Variants in CCDC91 observed in about 807,000 individuals in gnomAD.
CCDC91 encodes coiled-coil domain-containing protein 91.
CCDC91 carries 48 observed loss-of-function variants against 63.2 expected under a neutral mutation model. The observed-to-expected ratio is 0.76, with a 90% CI of 0.60 to 0.97. The LOEUF is 0.97. Ranked by LOEUF, CCDC91 falls within the 50% of genes least tolerant of loss-of-function variation. CCDC91 has a pLI of 0.00. For synonymous variants in CCDC91, 167 were observed against 165.8 expected (o/e 1.01, Z -0.06); for missense variants, 500 against 494.6 (o/e 1.01, Z -0.10).
chr12:28,496,344 C>G (rs900620811), intron 12 of CCDC91, among the ~76,000 whole-genome samples: 7 of 151,618 alleles, frequency 4.6e-5, no homozygotes, highest in African/African-American at 1.7e-4. Flanking sequence ...AGATGCTATA[C>G]AGAGACCTCT....
At chr12:28,250,172 T>C (rs1946025706) in intron 1 of CCDC91, among the ~76,000 whole-genome samples, 1 of 152,148 alleles carries the variant, frequency 6.6e-6, no homozygotes, top group South Asian at 2.1e-4. Flanking sequence ...AGTAAATGTC[T>C]TGTAGTTTTT....
chr12:28,273,618 T>G (rs1438348090), intron 3 of CCDC91, among the ~76,000 whole-genome samples: 4 of 151,278 alleles, frequency 2.6e-5, no homozygotes, highest in Non-Finnish European at 4.4e-5. Context: ...TCATGTGTCT[T>G]TTGGCTGCAT....
At chr12:28,329,865 GT>G in intron 6 of CCDC91, among the ~76,000 whole-genome samples, 1 of 152,216 alleles carries the variant, frequency 6.6e-6, no homozygotes, top group South Asian at 2.1e-4. Context: ...AACATGTGGT[GT>G]TTGATTTTCT....
At chr12:28,200,768 C>A (rs948921867) in intron 1 of CCDC91, among the ~76,000 whole-genome samples, 2 of 151,548 alleles carry the variant, frequency 1.3e-5, no homozygotes, top group East Asian at 3.9e-4. Flanking sequence ...TCATCATGGC[C>A]TGTTCTCAAT....
At chr12:28,229,790 G>GT (rs60699843) in intron 1 of CCDC91, among the ~76,000 whole-genome samples, 1 of 151,828 alleles carries the variant, frequency 6.6e-6, no homozygotes, top group Non-Finnish European at 1.5e-5. Context: ...ACATATTTTG[G>GT]TTTTTTTAGC....
chr12:28,528,392 C>G (rs1316014124), intron 12 of CCDC91, among the ~76,000 whole-genome samples: 1 of 152,186 alleles, frequency 6.6e-6, no homozygotes, highest in Non-Finnish European at 1.5e-5. Context: ...TCATCTAGAG[C>G]TTCAGGTTCC....
rs74236347 is a variant in CCDC91, at chr12:28,418,674, A to G, written c.762+27263A>G. On this transcript the variant is annotated intron_variant, in intron 8 of 12. Transcript: ENST00000536442. Reference sequence around the variant, plus strand: ...TAGATTTCAAAGTTTTTAAGATGTGATATTTCAAAATTAGATTAAACTACT... The same window carrying G: ...TAGATTTCAAAGTTTTTAAGATGTGGTATTTCAAAATTAGATTAAACTACT... Among the ~76,000 whole-genome samples, 25 of 152,290 alleles carry G rather than the reference A, an allele frequency of 1.6e-4. No homozygotes were observed. In the East Asian group the frequency reaches 1.9e-3, roughly 12 times the overall value.
At chr12:28,340,991 G>A (rs1369403822) in intron 6 of CCDC91, among the ~76,000 whole-genome samples, 1 of 152,240 alleles carries the variant, frequency 6.6e-6, no homozygotes, top group East Asian at 1.9e-4. Flanking sequence ...AGATGGAGTG[G>A]GAAGGTTGTT....
chr12:28,502,485 A>G (rs1329214958), intron 12 of CCDC91, among the ~76,000 whole-genome samples: 2 of 151,600 alleles, frequency 1.3e-5, no homozygotes, highest in Non-Finnish European at 3.0e-5. Context: ...AAGAATCAAT[A>G]TCGTGAAAAT....
intron 6 of CCDC91, among the ~76,000 whole-genome samples, chr12:28,320,244 A>T (rs915902536): frequency 9.2e-5 from 14 of 152,044 alleles, no homozygotes; most frequent in African/African-American, 3.4e-4. Flanking sequence ...TAGGTTGTTT[A>T]TAAGTACATT....
chr12:28,369,269 A>G (rs758535505), intron 7 of CCDC91, among the ~76,000 whole-genome samples: 3 of 152,164 alleles, frequency 2.0e-5, no homozygotes, highest in Non-Finnish European at 4.4e-5. Context: ...CTCCCATTCA[A>G]AATGGAAGAA....
chr12:28,193,952 T>A (rs2121238904), intron 1 of CCDC91, among the ~76,000 whole-genome samples: 1 of 152,360 alleles, frequency 6.6e-6, no homozygotes, highest in African/African-American at 2.4e-5. Flanking sequence ...TTCATTATCG[T>A]ATATATGTTC....
intron 1 of CCDC91, among the ~76,000 whole-genome samples, chr12:28,250,778 T>TA (rs992050220): frequency 4.6e-5 from 7 of 151,592 alleles, no homozygotes; most frequent in African/African-American, 7.3e-5. Flanking sequence ...TGCTGGAGGG[T>TA]AAAAAAAAGA....
At position 28,362,468 on chromosome 12, in the gene CCDC91, A is replaced by G; in HGVS notation, c.607A>G (p.Arg203Gly). 6.3e-7 allele frequency: 1 copy of G among 1,598,070 alleles called. No homozygotes were observed. Among genetic ancestry groups the G allele is most frequent in the Non-Finnish European group, 8.5e-7 (1 of 1,171,592 alleles). ...EKHKQELEDM[R>G]KAGHEALSII... ...ACATAAACAAGAATTGGAAGACATGAGGAAAGCTGGTCACGAAGCCCTCAG... is the reference window on the plus strand; with the variant it reads ...ACATAAACAAGAATTGGAAGACATGGGGAAAGCTGGTCACGAAGCCCTCAG... Residue 203 changes from arginine to glycine, a missense_variant, in exon 7 of 13, where the codon AGG (arginine) becomes GGG (glycine). Arg to Gly is a moderately radical substitution (Grantham distance 125). Coordinates refer to ENST00000536442, the MANE Select transcript of CCDC91 (RefSeq NM_018318.5).
intron 3 of CCDC91, among the ~76,000 whole-genome samples, chr12:28,269,609 G>A (rs189458402): frequency 6.6e-6 from 1 of 152,244 alleles, no homozygotes; most frequent in Admixed American, 6.5e-5. Flanking sequence ...CTGGGACACA[G>A]TGAATGATCA....
At chr12:28,534,620 C>T (rs1393566166) in intron 12 of CCDC91, among the ~76,000 whole-genome samples, 6 of 152,132 alleles carry the variant, frequency 3.9e-5, no homozygotes, top group Non-Finnish European at 8.8e-5. Context: ...CTCAATCCTT[C>T]GATTGCTGAT....
intron 8 of CCDC91, among the ~76,000 whole-genome samples, chr12:28,409,852 G>A (rs1947207940): frequency 6.6e-6 from 1 of 151,844 alleles, no homozygotes; most frequent in Non-Finnish European, 1.5e-5. Flanking sequence ...TTTTTCAGAT[G>A]TATTTCTTTT....
intron 3 of CCDC91, chr12:28,268,675 G>A: frequency 1.0e-6 from 1 of 985,090 alleles, no homozygotes; most frequent in South Asian, 4.7e-5. Context: ...CAAGCCCCGT[G>A]TCTGAATCTT....
At chr12:28,359,142 C>T (rs1425433894) in intron 6 of CCDC91, among the ~76,000 whole-genome samples, 1 of 152,164 alleles carries the variant, frequency 6.6e-6, no homozygotes, top group Non-Finnish European at 1.5e-5. Context: ...GATCTGCCCG[C>T]CTCAGCCTCC....
Sources: gnomAD v4.1 joint callset for allele counts (sites outside exome capture counted in the v4.1 genomes callset) on GRCh38, gnomAD v4.1.1 for gene constraint, MANE v1.5 for transcripts, NCBI Gene and HGNC (gene_info 2026-07-23, HGNC 2026-07-21) for gene names.